Variants in PIK3C2G observed in about 807,000 individuals in gnomAD.
The protein encoded by PIK3C2G is phosphatidylinositol-4-phosphate 3-kinase catalytic subunit type 2 gamma, also known as phosphatidylinositol 3-kinase C2 domain-containing subunit gamma.
In PIK3C2G, 168 loss-of-function variants were observed where a neutral mutation model predicts 181.1. The ratio of observed to expected loss-of-function variants is 0.93; its 90% CI spans 0.82 to 1.05. The LOEUF (loss-of-function observed/expected upper bound fraction) is 1.05, where lower values mean the gene tolerates loss of function less well. Ranked by LOEUF, PIK3C2G falls within the 50% of genes least tolerant of loss-of-function variation. The pLI is 0.00. For synonymous variants in PIK3C2G, 573 were observed against 592.2 expected (o/e 0.97, Z 0.47); for missense variants, 1,869 against 1,732.8 (o/e 1.08, Z -1.40).
chr12:18,624,483 T>C (rs1479592737), intron 31 of PIK3C2G, among the ~76,000 whole-genome samples: 1 of 151,738 alleles, frequency 6.6e-6, no homozygotes, highest in Non-Finnish European at 1.5e-5. Flanking sequence ...GTGAAGACTA[T>C]TGGCCTGTAG....
the PIK3C2G span, chr12:18,699,891 C>T: frequency 6.2e-7 from 1 of 1,612,540 alleles, no homozygotes; most frequent in Non-Finnish European, 8.5e-7. Flanking sequence ...TTTTGAATTT[C>T]TCAGCTTTCG....
intron 1 of PIK3C2G, among the ~76,000 whole-genome samples, chr12:18,270,527 G>T (rs1948703984): frequency 6.6e-6 from 1 of 152,084 alleles, no homozygotes; most frequent in African/African-American, 2.4e-5. Flanking sequence ...CAGTGTCTTA[G>T]TTCCCAAGTG....
chr12:18,464,381 A>G (rs1937629773), intron 18 of PIK3C2G, among the ~76,000 whole-genome samples: 1 of 151,986 alleles, frequency 6.6e-6, no homozygotes, highest in Non-Finnish European at 1.5e-5. Flanking sequence ...TCTCAACACA[A>G]TTGCATTAAA....
the PIK3C2G span, chr12:18,694,145 C>G: frequency 5.0e-6 from 4 of 801,718 alleles, no homozygotes; most frequent in South Asian, 6.8e-5. Context: ...ATTTCTCAGT[C>G]CCTGAAAGGG....
chr12:18,670,360 T>A, the PIK3C2G span, among the ~76,000 whole-genome samples: 2 of 152,200 alleles, frequency 1.3e-5, no homozygotes, highest in South Asian at 4.2e-4. Flanking sequence ...TTTAGACATT[T>A]CAATTGTCTG....
chr12:18,705,139 C>G, the PIK3C2G span: 1 of 1,612,376 alleles, frequency 6.2e-7, no homozygotes, highest in Non-Finnish European at 8.5e-7. Flanking sequence ...TTTTTCTTAA[C>G]CTGAGTTTCT....
intron 31 of PIK3C2G, among the ~76,000 whole-genome samples, chr12:18,617,034 A>C (rs548390650): frequency 2.0e-5 from 3 of 152,086 alleles, no homozygotes; most frequent in Non-Finnish European, 4.4e-5. Flanking sequence ...TAAGGCCTTC[A>C]TTTTGCCAAA....
chr12:18,573,676 GCCTAA>G (rs1384774171), intron 29 of PIK3C2G, among the ~76,000 whole-genome samples: 1 of 152,090 alleles, frequency 6.6e-6, no homozygotes, highest in Non-Finnish European at 1.5e-5. Flanking sequence ...GGACAAAATG[GCCTAA>G]CCTACTATCA....
chr12:18,301,056 T>A (rs115450701), intron 5 of PIK3C2G, among the ~76,000 whole-genome samples: 1 of 152,160 alleles, frequency 6.6e-6, no homozygotes, highest in South Asian at 2.1e-4. Flanking sequence ...GCCTGTAAAG[T>A]TTCTGCTGAT....
chr12:18,535,891 A>T (rs1943825983), intron 24 of PIK3C2G, among the ~76,000 whole-genome samples: 1 of 152,100 alleles, frequency 6.6e-6, no homozygotes, highest in Non-Finnish European at 1.5e-5. Flanking sequence ...TCTCACTCAC[A>T]GGTGGGAATT....
At chr12:18,560,919 AC>A (rs1288928137) in intron 26 of PIK3C2G, among the ~76,000 whole-genome samples, 1 of 152,200 alleles carries the variant, frequency 6.6e-6, no homozygotes, top group Non-Finnish European at 1.5e-5. Context: ...TATATGGTAA[AC>A]AATTTACTAT....
At chr12:18,427,665 G>C (rs1277184367) in intron 18 of PIK3C2G, among the ~76,000 whole-genome samples, 1 of 151,896 alleles carries the variant, frequency 6.6e-6, no homozygotes, top group Non-Finnish European at 1.5e-5. Flanking sequence ...GGCAACAATG[G>C]GTGCACACAA....
chr12:18,712,903 G>A, the PIK3C2G span: 1 of 1,613,820 alleles, frequency 6.2e-7, no homozygotes, highest in African/African-American at 1.3e-5. Context: ...GCTTGTGAGT[G>A]TGTAGCCATG....
At chr12:18,390,634 A>G (rs1014094822) in intron 14 of PIK3C2G, among the ~76,000 whole-genome samples, 33 of 152,164 alleles carry the variant, frequency 2.2e-4, no homozygotes, top group African/African-American at 7.7e-4. Flanking sequence ...GAGCTCACTC[A>G]TGTGTACATA....
chr12:18,261,224 A>ATATG (rs1948223379), upstream of PIK3C2G, among the ~76,000 whole-genome samples: 1 of 152,212 alleles, frequency 6.6e-6, no homozygotes, highest in Admixed American at 6.6e-5. Context: ...TTGAGGGGAA[A>ATATG]TATGCCCACC....
At chr12:18,451,064 C>T (rs7132401) in intron 18 of PIK3C2G, among the ~76,000 whole-genome samples, 29,737 of 152,044 alleles carry the variant, frequency 0.2, 4,012 homozygotes, top group African/African-American at 0.39. Flanking sequence ...ATGCAGGCTC[C>T]TTTTTGGTTC....
intron 16 of PIK3C2G, among the ~76,000 whole-genome samples, chr12:18,408,826 T>C (rs931064078): frequency 6.6e-6 from 1 of 152,018 alleles, no homozygotes; most frequent in Non-Finnish European, 1.5e-5. Context: ...GTTAGAGAAA[T>C]GCAAATAAAA....
chr12:18,577,702 T>C (rs1053248318), intron 29 of PIK3C2G, among the ~76,000 whole-genome samples: 1 of 152,158 alleles, frequency 6.6e-6, no homozygotes, highest in Non-Finnish European at 1.5e-5. Context: ...ATTATAGATA[T>C]AATAGCTTCT....
At chr12:18,577,866 C>A (rs1344195559) in intron 29 of PIK3C2G, among the ~76,000 whole-genome samples, 3 of 152,086 alleles carry the variant, frequency 2.0e-5, no homozygotes, top group African/African-American at 7.2e-5. Context: ...TGATAGCTGC[C>A]AAATCATCAA....
Sources: gnomAD v4.1 joint callset for allele counts (sites outside exome capture counted in the v4.1 genomes callset) on GRCh38, gnomAD v4.1.1 for gene constraint, MANE v1.5 for transcripts, NCBI Gene and HGNC (gene_info 2026-07-23, HGNC 2026-07-21) for gene names.